ESCO1: variants seen among roughly 807,000 people sequenced by gnomAD.
ESCO1 encodes establishment of sister chromatid cohesion N-acetyltransferase 1.
ESCO1 carries 33 observed loss-of-function variants against 83.5 expected under a neutral mutation model. That is an observed-to-expected ratio of 0.40 (90% CI 0.30 to 0.53). ESCO1 has a LOEUF of 0.53. ESCO1 is among the 20% of genes least tolerant of loss of function. The pLI is 0.63. For missense variants in ESCO1, 855 were observed against 968.0 expected, an observed-to-expected ratio of 0.88 and a Z score of 1.55; for synonymous variants, 332 against 324.3, an observed-to-expected ratio of 1.02 and a Z score of -0.25.
intron 1 of ESCO1, among the ~76,000 whole-genome samples, chr18:21,590,350 T>A (rs2038647300): frequency 6.6e-6 from 1 of 151,748 alleles, no homozygotes; most frequent in African/African-American, 2.4e-5. Flanking sequence ...GCCTCCTCAG[T>A]AGCTGGGACT....
At chr18:21,532,327 TC>T (rs887282645) in intron 11 of ESCO1, 145 bp downstream of exon 11, 6 of 750,636 alleles carry the variant, frequency 8.0e-6, no homozygotes, top group Non-Finnish European at 1.0e-5. Context: ...TACTTACAGA[TC>T]CAATACACTG....
At chr18:21,553,093 C>A (rs950043011) in intron 8 of ESCO1, among the ~76,000 whole-genome samples, 34 of 152,052 alleles carry the variant, frequency 2.2e-4, no homozygotes, top group African/African-American at 8.2e-4. Context: ...AGTTTGTGAC[C>A]AAGCTGGGCA....
chr18:21,552,433 T>C (rs2038057714), intron 8 of ESCO1, among the ~76,000 whole-genome samples: 1 of 151,876 alleles, frequency 6.6e-6, no homozygotes, highest in African/African-American at 2.4e-5. Context: ...TATAAGGGGG[T>C]TTTCCCCGTT....
intron 10 of ESCO1, among the ~76,000 whole-genome samples, chr18:21,532,878 T>C (rs914224602): frequency 2.0e-5 from 3 of 152,212 alleles, no homozygotes; most frequent in African/African-American, 7.2e-5. Context: ...ACAATTTCTC[T>C]AACCTTTGGG....
chr18:21,585,119 C>G (rs530138265), intron 1 of ESCO1, among the ~76,000 whole-genome samples: 148 of 137,864 alleles, frequency 1.1e-3, no homozygotes, highest in Non-Finnish European at 1.8e-3. Context: ...CCAACCTAGG[C>G]TACAGAGCAG....
At chr18:21,566,354 T>C in intron 5 of ESCO1, 148 bp from the exon 6 acceptor site, 3 of 687,262 alleles carry the variant, frequency 4.4e-6, no homozygotes, top group Non-Finnish European at 7.1e-6. Flanking sequence ...AATTAGAACC[T>C]TCTTCCTAGA....
Position 21,558,672 on chromosome 18 carries a change from A to G in ESCO1, c.1953+2187T>C, listed in dbSNP as rs1051806301. Among the ~76,000 whole-genome samples the G allele has an allele frequency of 2.0e-5, 3 of 148,686 alleles. No individual in the cohort carries two copies. In the East Asian group the frequency reaches 6.0e-4, roughly 30 times the overall value. On this transcript the variant is annotated intron_variant, in intron 8 of 11. Transcript: ENST00000269214. ...AACCCAGGAGGTGGAGGAGGCAGTG[A>G]GCCAAGATTGCACCACTGCACTCCA...
chr18:21,582,898 G>C (rs1479262415), intron 2 of ESCO1, among the ~76,000 whole-genome samples: 1 of 152,230 alleles, frequency 6.6e-6, no homozygotes, highest in Non-Finnish European at 1.5e-5. Context: ...TTTTCAAACA[G>C]TTTAATTTCA....
intron 2 of ESCO1, among the ~76,000 whole-genome samples, chr18:21,579,909 T>A (rs1305557704): frequency 1.3e-5 from 2 of 151,484 alleles, no homozygotes; most frequent in African/African-American, 4.9e-5. Context: ...TAATTTTTTT[T>A]TTTTGAGATG....
At chr18:21,591,714 C>G (rs913380442) in intron 1 of ESCO1, among the ~76,000 whole-genome samples, 3 of 149,074 alleles carry the variant, frequency 2.0e-5, no homozygotes, top group Non-Finnish European at 4.4e-5. Flanking sequence ...GTGTTTCTCA[C>G]AGAGGGGGAT....
chr18:21,576,334 G>C (rs1270217380), intron 2 of ESCO1, among the ~76,000 whole-genome samples: 1 of 152,042 alleles, frequency 6.6e-6, no homozygotes, highest in Non-Finnish European at 1.5e-5. Context: ...GCAAGATTCT[G>C]TCTCTACAAA....
Position 21,574,719 on chromosome 18 carries a change from T to C in ESCO1, c.125A>G (p.Lys42Arg). 6.2e-7 allele frequency: 1 copy of C among 1,612,404 alleles called. No homozygotes were observed. The highest frequency in any genetic ancestry group is 1.7e-5 in the Admixed American group (1 of 59,968). The change falls in exon 4 of 12, where the codon AAG (lysine) becomes AGG (arginine). Residue 42 changes from lysine to arginine, a missense_variant. By Grantham distance (26) the Lys-to-Arg change is conservative. Around this residue, in one of 2 missense-constraint regions of ESCO1, gnomAD observed 726 missense variants for 699.5 expected, o/e 1.04. Coordinates refer to ENST00000269214, the MANE Select transcript of ESCO1 (RefSeq NM_052911.3). ...QKNLAKKSGP[K>R]ETIKSQAKSS... ...TTTAGCCTGTGATTTTATAGTCTCCTTTGGACCTGATTTTTTTGCTAGATT... is the reference window on the plus strand; with the variant it reads ...TTTAGCCTGTGATTTTATAGTCTCCCTTGGACCTGATTTTTTTGCTAGATT...
chr18:21,592,252 C>A (rs2038682084), intron 1 of ESCO1, among the ~76,000 whole-genome samples: 1 of 150,924 alleles, frequency 6.6e-6, no homozygotes. Flanking sequence ...GGCGGCCGGG[C>A]AGAGGCGCCC....
At position 21,549,980 on chromosome 18, in the gene ESCO1, A is replaced by G. The variant is rs575605123; in HGVS notation, c.1954-9971T>C. Reference sequence around the variant, plus strand: ...TCCATCTCCAAAAAAAAAAAAAAGAAGGTCACAAAAGATCACTGTACCTAC... The same window carrying G: ...TCCATCTCCAAAAAAAAAAAAAAGAGGGTCACAAAAGATCACTGTACCTAC... On this transcript the variant is annotated intron_variant, in intron 8 of 11. Transcript: ENST00000269214. Among the ~76,000 whole-genome samples the G allele has an allele frequency of 1.7e-4, 26 of 152,148 alleles. No homozygotes were observed. The South Asian group carries it at 5.0e-3, about 29-fold the overall frequency.
chr18:21,537,682 A>T (rs8093921), intron 9 of ESCO1, among the ~76,000 whole-genome samples: 226 of 152,326 alleles, frequency 1.5e-3, no homozygotes, highest in African/African-American at 5.2e-3. Flanking sequence ...TTTTTAACCT[A>T]TTATGGGTTA....
At chr18:21,595,201 A>G (rs1400203846) in intron 1 of ESCO1, among the ~76,000 whole-genome samples, 4 of 152,110 alleles carry the variant, frequency 2.6e-5, no homozygotes, top group African/African-American at 4.8e-5. Flanking sequence ...GGGTATAGGC[A>G]TATTCCCACC....
chr18:21,556,661 G>GT (rs2038116024), intron 8 of ESCO1, among the ~76,000 whole-genome samples: 1 of 151,920 alleles, frequency 6.6e-6, no homozygotes, highest in East Asian at 1.9e-4. Context: ...CTACTTCACA[G>GT]GACAGCACAG....
Position 21,575,671 on chromosome 18 carries a change from C to T in ESCO1, c.-588+1G>A. ...CAGTGTATTCCTTGAGGTTTACTTACAGTTTTTGCCCCAAAATATAGACTC... is the reference window on the plus strand; with the variant it reads ...CAGTGTATTCCTTGAGGTTTACTTATAGTTTTTGCCCCAAAATATAGACTC... On this transcript the variant is annotated splice_donor_variant, in intron 3 of 11. Transcript: ENST00000269214. LOFTEE classifies it low-confidence loss of function (5UTR_SPLICE). 1 of 398,394 alleles carries T rather than the reference C, an allele frequency of 2.5e-6. No homozygotes were observed. Among genetic ancestry groups the T allele is most frequent in the Non-Finnish European group, 4.4e-6 (1 of 225,920 alleles). 24.7% of individuals were successfully genotyped at this position (398,394 alleles called of 1,614,324 possible). A position where few individuals can be genotyped will look rare whatever the true frequency, so the allele number is the denominator to read the frequency against.
intron 8 of ESCO1, among the ~76,000 whole-genome samples, chr18:21,543,131 C>T (rs1012785138): frequency 6.6e-6 from 1 of 152,116 alleles, no homozygotes; most frequent in African/African-American, 2.4e-5. Context: ...ATTTGTATTT[C>T]TAACAGCAAG....
Sources: allele counts gnomAD v4.1 joint callset (sites outside exome capture counted in the v4.1 genomes callset), GRCh38; gene constraint gnomAD v4.1.1; regional missense constraint gnomAD v4.1.1; transcripts MANE v1.5; gene names NCBI Gene and HGNC (gene_info 2026-07-23, HGNC 2026-07-21).